NDST4: variants seen among roughly 807,000 people sequenced by gnomAD.
NDST4 encodes the protein N-deacetylase and N-sulfotransferase 4, also known as N-heparan sulfate sulfotransferase 4.
Under a neutral mutation model 100.8 loss-of-function variants are expected in NDST4, and 63 were observed. The observed-to-expected ratio is 0.62, with a 90% CI of 0.51 to 0.77. NDST4 has a LOEUF of 0.77. Ranked by LOEUF, NDST4 falls within the 30% of genes least tolerant of loss-of-function variation. The probability of loss-of-function intolerance (pLI) is 0.00; values close to 1 mark genes in which losing one functional copy is unlikely to be tolerated. For synonymous variants in NDST4, 377 were observed against 361.8 expected (o/e 1.04, Z -0.48); for missense variants, 943 against 1,018.4 (o/e 0.93, Z 1.01).
intron 2 of NDST4, among the ~76,000 whole-genome samples, chr4:114,998,475 T>G (rs1199572140): frequency 6.6e-6 from 1 of 152,020 alleles, no homozygotes; most frequent in Non-Finnish European, 1.5e-5. Flanking sequence ...GAACAGATAC[T>G]CTGGAGTAGC....
chr4:114,833,584 T>C (rs201374932), intron 12 of NDST4, 22 bp downstream of exon 12: 13 of 1,456,212 alleles, frequency 8.9e-6, no homozygotes, highest in Non-Finnish European at 1.3e-5. Flanking sequence ...GGAAATGAAA[T>C]CAAGCATGAC....
At chr4:115,041,768 G>C (rs1560577389) in intron 2 of NDST4, among the ~76,000 whole-genome samples, 1 of 152,004 alleles carries the variant, frequency 6.6e-6, no homozygotes, top group Non-Finnish European at 1.5e-5. Flanking sequence ...TGAGATGTCT[G>C]AGTTTCTGCC....
intron 7 of NDST4, among the ~76,000 whole-genome samples, chr4:114,864,415 T>C (rs1353484832): frequency 6.6e-6 from 1 of 152,240 alleles, no homozygotes. Flanking sequence ...CTTAATTTTT[T>C]CTGCTTATTG....
At chr4:114,876,293 C>G (rs1724252669) in intron 6 of NDST4, among the ~76,000 whole-genome samples, 1 of 152,060 alleles carries the variant, frequency 6.6e-6, no homozygotes, top group South Asian at 2.1e-4. Context: ...AAAAATATGT[C>G]CATTAGCTTG....
chr4:115,027,550 T>C (rs1025620016), intron 2 of NDST4, among the ~76,000 whole-genome samples: 1 of 152,106 alleles, frequency 6.6e-6, no homozygotes, highest in Non-Finnish European at 1.5e-5. Context: ...CTCAAACTGG[T>C]CTCTTGATCA....
At position 114,933,453 on chromosome 4, in the gene NDST4, T is replaced by G. The variant is rs796291649; in HGVS notation, c.1536+1753A>C. Among the ~76,000 whole-genome samples, 1,859 of 141,036 alleles carry G rather than the reference T, an allele frequency of 0.013. 87 individuals carry two copies. The South Asian group carries it at 0.16, about 12-fold the overall frequency. 92.5% of individuals were successfully genotyped at this position (141,036 alleles called of 152,430 possible). ...TTTCCTTTTTTTTTTTTTTTTTTTT[T>G]TGTGTGTAAAAACCCAAAAGCCCAG... On this transcript the variant is annotated intron_variant, in intron 6 of 13. Coordinates refer to ENST00000264363, the MANE Select transcript of NDST4 (RefSeq NM_022569.3).
At chr4:114,883,333 T>C (rs1341978484) in intron 6 of NDST4, among the ~76,000 whole-genome samples, 3 of 152,074 alleles carry the variant, frequency 2.0e-5, no homozygotes, top group African/African-American at 7.2e-5. Flanking sequence ...GATACTGAGT[T>C]ATAAGGGACC....
chr4:115,057,271 C>T (rs1361037056), intron 2 of NDST4, among the ~76,000 whole-genome samples: 1 of 151,940 alleles, frequency 6.6e-6, no homozygotes, highest in Non-Finnish European at 1.5e-5. Context: ...TTTGAATTTT[C>T]CTTGGTAACA....
chr4:115,023,666 C>A (rs1464144929), intron 2 of NDST4, among the ~76,000 whole-genome samples: 1 of 151,940 alleles, frequency 6.6e-6, no homozygotes, highest in African/African-American at 2.4e-5. Context: ...AAATTTGCAG[C>A]CTGGCCATGA....
At chr4:114,974,505 T>C (rs1022037547) in intron 3 of NDST4, among the ~76,000 whole-genome samples, 1 of 152,124 alleles carries the variant, frequency 6.6e-6, no homozygotes, top group Non-Finnish European at 1.5e-5. Flanking sequence ...CCAGAAATCA[T>C]GTCCCTGGCA....
intron 1 of NDST4, among the ~76,000 whole-genome samples, chr4:115,103,244 C>A (rs1298777164): frequency 6.6e-6 from 1 of 151,958 alleles, no homozygotes; most frequent in African/African-American, 2.4e-5. Flanking sequence ...ATCTATAATA[C>A]AAAAAGCTAT....
chr4:115,080,891 A>G (rs1389541392), intron 1 of NDST4, among the ~76,000 whole-genome samples: 4 of 152,280 alleles, frequency 2.6e-5, no homozygotes, highest in African/African-American at 9.6e-5. Flanking sequence ...ACCTACTTAC[A>G]TGCTTTGGAG....
intron 6 of NDST4, among the ~76,000 whole-genome samples, chr4:114,904,245 A>G (rs1325574616): frequency 6.6e-6 from 1 of 151,984 alleles, no homozygotes; most frequent in African/African-American, 2.4e-5. Flanking sequence ...TAACTACCAC[A>G]TACATCATAA....
chr4:115,033,157 A>ATTTTT (rs1192796806), intron 2 of NDST4, among the ~76,000 whole-genome samples: 3 of 59,940 alleles, frequency 5.0e-5, no homozygotes, highest in African/African-American at 1.7e-4. Context: ...ATATATATAT[A>ATTTTT]TTTTTTTTTT....
chr4:114,977,043 T>G, intron 3 of NDST4, 144 bp downstream of exon 3: 1 of 607,542 alleles, frequency 1.6e-6, no homozygotes, highest in South Asian at 2.2e-5. Context: ...ATATGCTCAT[T>G]GATTTTGGAT....
intron 6 of NDST4, among the ~76,000 whole-genome samples, chr4:114,889,827 T>A (rs1325676011): frequency 6.6e-6 from 1 of 152,144 alleles, no homozygotes; most frequent in African/African-American, 2.4e-5. Context: ...ATTTTTTTAT[T>A]TTCCCAGAGC....
rs141952853 is a variant in NDST4, at chr4:114,989,259, G to A, written c.979-11985C>T. Among the ~76,000 whole-genome samples the A allele has an allele frequency of 7.5e-3, 1,139 of 152,258 alleles. 6 individuals are homozygous for A. Among genetic ancestry groups the A allele is most frequent in the Non-Finnish European group, 0.012 (803 of 68,010 alleles). On this transcript the variant is annotated intron_variant, in intron 2 of 13. Coordinates refer to ENST00000264363, the MANE Select transcript of NDST4 (RefSeq NM_022569.3). ...GTACAGCTCTCATTTCCCAACAAGA[G>A]ACAGAAACAGTATAATTATTTTCTG...
intron 7 of NDST4, among the ~76,000 whole-genome samples, chr4:114,866,130 C>T (rs1724021179): frequency 6.6e-6 from 1 of 152,202 alleles, no homozygotes; most frequent in Admixed American, 6.5e-5. Context: ...TATTACAGAA[C>T]TCCTATTTCC....
chr4:114,871,531 C>T (rs559869434), intron 6 of NDST4, among the ~76,000 whole-genome samples: 1 of 152,034 alleles, frequency 6.6e-6, no homozygotes, highest in Non-Finnish European at 1.5e-5. Context: ...CAGTGTTGTT[C>T]TTTTGTGTAT....
Sources: gnomAD v4.1 joint callset for allele counts (sites outside exome capture counted in the v4.1 genomes callset) on GRCh38, gnomAD v4.1.1 for gene constraint, MANE v1.5 for transcripts, NCBI Gene and HGNC (gene_info 2026-07-23, HGNC 2026-07-21) for gene names.